Variants in CSMD1 observed in about 807,000 individuals in gnomAD.
The protein encoded by CSMD1 is CUB and Sushi multiple domains 1.
A neutral mutation model predicts 417.5 loss-of-function variants in CSMD1; 213 were observed. The ratio of observed to expected loss-of-function variants is 0.51; its 90% CI spans 0.46 to 0.57. CSMD1 has a LOEUF of 0.57. Among genes scored for constraint, CSMD1 ranks in the 20% least tolerant of loss-of-function variants. The probability of loss-of-function intolerance (pLI) is 0.00; values close to 1 mark genes in which losing one functional copy is unlikely to be tolerated. For missense variants in CSMD1, 6,923 were observed against 4,529.7 expected (o/e 1.53, Z -15.17); for synonymous variants, 2,862 against 1,736.8 (o/e 1.65, Z -16.11).
chr8:4,923,078 T>TA (rs1806604309), intron 1 of CSMD1, among the ~76,000 whole-genome samples: 1 of 152,174 alleles, frequency 6.6e-6, no homozygotes, highest in African/African-American at 2.4e-5. Flanking sequence ...GGAACAATCT[T>TA]AAAAAATGAT....
At chr8:2,974,343 A>G in intron 56 of CSMD1, 108 bp downstream of exon 56, 2 of 1,074,498 alleles carry the variant, frequency 1.9e-6, no homozygotes, top group South Asian at 2.1e-5. Flanking sequence ...AAATAAATGC[A>G]TAATTATAGG....
At chr8:3,194,011 G>C (rs1211667524) in intron 33 of CSMD1, among the ~76,000 whole-genome samples, 1 of 152,164 alleles carries the variant, frequency 6.6e-6, no homozygotes, top group Non-Finnish European at 1.5e-5. Flanking sequence ...TTTTCTTTTT[G>C]ATGTAGTGAC....
At chr8:3,819,114 T>C (rs987538278) in intron 5 of CSMD1, among the ~76,000 whole-genome samples, 3 of 151,994 alleles carry the variant, frequency 2.0e-5, no homozygotes, top group Non-Finnish European at 4.4e-5. Flanking sequence ...TAGGAGGAGA[T>C]GGGGGAAAGA....
At chr8:4,303,251 T>C (rs895079553) in intron 3 of CSMD1, among the ~76,000 whole-genome samples, 7 of 152,098 alleles carry the variant, frequency 4.6e-5, no homozygotes, top group Non-Finnish European at 5.9e-5. Context: ...TTCTCTACTC[T>C]CATGAAATAT....
At chr8:4,442,550 G>T (rs768554862) in intron 2 of CSMD1, among the ~76,000 whole-genome samples, 4 of 152,112 alleles carry the variant, frequency 2.6e-5, no homozygotes, top group Admixed American at 6.5e-5. Flanking sequence ...CAAACCATAT[G>T]CAACTAAAGA....
chr8:4,402,644 A>G lies in CSMD1; in HGVS notation c.415+17309T>C, dbSNP rs565388809. ...TTTAATCTTGCAAGACCTATCCCTCATCACATTTTCATTAATGAATTTGCC... is the reference window on the plus strand; with the variant it reads ...TTTAATCTTGCAAGACCTATCCCTCGTCACATTTTCATTAATGAATTTGCC... On this transcript the variant is annotated intron_variant, in intron 3 of 69. Transcript: ENST00000635120. Among the ~76,000 whole-genome samples, 8 of 152,220 alleles carry G rather than the reference A, an allele frequency of 5.3e-5. No homozygotes were observed. The East Asian group carries it at 1.4e-3, about 26-fold the overall frequency.
intron 3 of CSMD1, among the ~76,000 whole-genome samples, chr8:4,344,933 G>A (rs1336897194): frequency 6.6e-6 from 1 of 152,126 alleles, no homozygotes; most frequent in Non-Finnish European, 1.5e-5. Context: ...GTGGTCAGCT[G>A]GTCTCTGTTC....
At chr8:4,403,469 G>A (rs550860996) in intron 3 of CSMD1, among the ~76,000 whole-genome samples, 1 of 152,050 alleles carries the variant, frequency 6.6e-6, no homozygotes, top group Non-Finnish European at 1.5e-5. Flanking sequence ...GGTCACCAAT[G>A]ACCTACTTAT....
chr8:3,864,087 A>C (rs1804913574), intron 5 of CSMD1, among the ~76,000 whole-genome samples: 3 of 152,190 alleles, frequency 2.0e-5, no homozygotes, highest in African/African-American at 7.2e-5. Flanking sequence ...GTAAACATAC[A>C]ATATTTTCAC....
At chr8:3,819,679 G>A (rs1026902963) in intron 5 of CSMD1, among the ~76,000 whole-genome samples, 1 of 152,078 alleles carries the variant, frequency 6.6e-6, no homozygotes, top group Non-Finnish European at 1.5e-5. Flanking sequence ...GGCCTACTGG[G>A]GGTCTTAGGT....
At chr8:4,555,678 G>C (rs997057385) in intron 2 of CSMD1, among the ~76,000 whole-genome samples, 1 of 152,150 alleles carries the variant, frequency 6.6e-6, no homozygotes, top group African/African-American at 2.4e-5. Context: ...GCAATGGAGA[G>C]GAATAAGTCT....
At chr8:3,561,689 G>A (rs1434708222) in intron 10 of CSMD1, among the ~76,000 whole-genome samples, 1 of 152,170 alleles carries the variant, frequency 6.6e-6, no homozygotes, top group East Asian at 1.9e-4. Context: ...ATATTCAGGT[G>A]ATGGGTGTAC....
chr8:4,298,942 T>C (rs1467808162), intron 3 of CSMD1, among the ~76,000 whole-genome samples: 3 of 152,012 alleles, frequency 2.0e-5, no homozygotes, highest in Non-Finnish European at 4.4e-5. Flanking sequence ...AAACACACAA[T>C]ACATATATAT....
At chr8:4,106,388 T>C (rs11986069) in intron 3 of CSMD1, among the ~76,000 whole-genome samples, 19,240 of 152,202 alleles carry the variant, frequency 0.13, 1,790 homozygotes, top group African/African-American at 0.26. Context: ...TGCTGCATAA[T>C]TGATCTGGTA....
intron 5 of CSMD1, among the ~76,000 whole-genome samples, chr8:3,950,398 C>A (rs891820801): frequency 2.0e-5 from 3 of 152,188 alleles, no homozygotes; most frequent in Non-Finnish European, 4.4e-5. Context: ...TTCCAATCGG[C>A]CTACGGGTCA....
chr8:3,856,334 C>G (rs987335448), intron 5 of CSMD1, among the ~76,000 whole-genome samples: 4 of 152,176 alleles, frequency 2.6e-5, no homozygotes, highest in African/African-American at 9.7e-5. Flanking sequence ...GCCCCAGAAG[C>G]TGCTATGCTT....
chr8:3,705,465 C>G (rs1413551697), intron 7 of CSMD1, among the ~76,000 whole-genome samples: 1 of 152,180 alleles, frequency 6.6e-6, no homozygotes. Context: ...CGGGGACAGC[C>G]TCACACTCTA....
At chr8:4,124,931 C>A (rs1020004740) in intron 3 of CSMD1, among the ~76,000 whole-genome samples, 1 of 152,248 alleles carries the variant, frequency 6.6e-6, no homozygotes, top group African/African-American at 2.4e-5. Flanking sequence ...AAGCCAGAAA[C>A]AGCAACTCTT....
chr8:4,286,170 C>G (rs1797045721), intron 3 of CSMD1, among the ~76,000 whole-genome samples: 2 of 151,958 alleles, frequency 1.3e-5, no homozygotes, highest in Non-Finnish European at 1.5e-5. Context: ...AAACAAAAGT[C>G]AAGAGGAGCT....
Sources: gnomAD v4.1 joint callset for allele counts (sites outside exome capture counted in the v4.1 genomes callset) on GRCh38, gnomAD v4.1.1 for gene constraint, MANE v1.5 for transcripts, NCBI Gene and HGNC (gene_info 2026-07-23, HGNC 2026-07-21) for gene names.